GNAQ: variants seen among roughly 807,000 people sequenced by gnomAD.
GNAQ encodes guanine nucleotide-binding protein G(q) subunit alpha.
A neutral mutation model predicts 43.9 loss-of-function variants in GNAQ; 8 were observed. The ratio of observed to expected loss-of-function variants is 0.18; its 90% confidence interval spans 0.11 to 0.33. The LOEUF (loss-of-function observed/expected upper bound fraction) is 0.33, where lower values mean the gene tolerates loss of function less well. Among genes scored for constraint, GNAQ ranks in the 10% least tolerant of loss-of-function variants. The pLI is 1.00. For missense variants in GNAQ, 158 were observed against 450.8 expected, an observed-to-expected ratio of 0.35 and a Z score of 5.88; for synonymous variants, 155 against 170.7, an observed-to-expected ratio of 0.91 and a Z score of 0.71.
chr9:77,894,356 A>AAATATAT lies in GNAQ; in HGVS notation c.321+27798_321+27804dup, dbSNP rs1210636602. ...ATATATATTATATATATTTAATAGA[A>AAATATAT]AATATATATATTATATATATATTTA... On this transcript the variant is annotated intron_variant, in intron 2 of 6. Coordinates refer to ENST00000286548, the MANE Select transcript of GNAQ (RefSeq NM_002072.5). Among the ~76,000 whole-genome samples the AAATATAT allele has an allele frequency of 2.9e-3, 355 of 122,702 alleles. 104 individuals are homozygous for AAATATAT. Among genetic ancestry groups the AAATATAT allele is most frequent in the African/African-American group, 9.1e-3 (296 of 32,514 alleles). 80.5% of individuals were successfully genotyped at this position (122,702 alleles called of 152,430 possible).
intron 3 of GNAQ, 28 bp downstream of exon 3, chr9:77,815,588 C>A (rs1826999330): frequency 2.0e-6 from 3 of 1,523,802 alleles, no homozygotes; most frequent in African/African-American, 1.4e-5. Context: ...AGAGAAAAAT[C>A]CATAGGGCCA....
intron 2 of GNAQ, among the ~76,000 whole-genome samples, chr9:77,914,325 T>A (rs1160365524): frequency 1.3e-5 from 2 of 152,152 alleles, no homozygotes; most frequent in Non-Finnish European, 2.9e-5. Flanking sequence ...GGTGGCTGAC[T>A]CATCAAATTG....
chr9:77,734,452 C>T (rs1046038635), intron 5 of GNAQ, among the ~76,000 whole-genome samples: 1 of 152,056 alleles, frequency 6.6e-6, no homozygotes, highest in Non-Finnish European at 1.5e-5. Context: ...GCAAACAAGA[C>T]AGTTAAGAAA....
At chr9:77,851,205 C>T (rs1337077516) in intron 2 of GNAQ, among the ~76,000 whole-genome samples, 1 of 152,108 alleles carries the variant, frequency 6.6e-6, no homozygotes, top group African/African-American at 2.4e-5. Flanking sequence ...GTCTAGCTTA[C>T]ACAAAATCGG....
chr9:77,819,029 A>AAAG (rs1564120114), intron 2 of GNAQ, among the ~76,000 whole-genome samples: 1 of 119,184 alleles, frequency 8.4e-6, no homozygotes, highest in Non-Finnish European at 1.8e-5. Context: ...AAAAAAAAAA[A>AAAG]CACCCAAAAA....
intron 2 of GNAQ, among the ~76,000 whole-genome samples, chr9:77,872,854 G>A (rs1828062840): frequency 6.6e-6 from 1 of 152,132 alleles, no homozygotes; most frequent in African/African-American, 2.4e-5. Context: ...ACACCTGAAG[G>A]TTTTACAAAC....
intron 1 of GNAQ, among the ~76,000 whole-genome samples, chr9:77,965,949 A>C (rs1178121788): frequency 6.6e-6 from 1 of 152,172 alleles, no homozygotes; most frequent in Non-Finnish European, 1.5e-5. Context: ...CCATCAGTAG[A>C]TGAATGGATA....
At chr9:77,870,621 C>T (rs765459808) in intron 2 of GNAQ, among the ~76,000 whole-genome samples, 4 of 151,792 alleles carry the variant, frequency 2.6e-5, no homozygotes, top group East Asian at 2.0e-4. Context: ...CACCGCGCCC[C>T]GCCTTTGGTG....
chr9:77,813,368 G>A (rs1035427964), intron 3 of GNAQ, among the ~76,000 whole-genome samples: 4 of 152,152 alleles, frequency 2.6e-5, no homozygotes, highest in East Asian at 1.9e-4. Flanking sequence ...GAGTGTGCCC[G>A]TTTCTATGGC....
chr9:77,866,250 G>A lies in GNAQ; in HGVS notation c.322-50480C>T, dbSNP rs868481081. ...CCCAGCACTTTGGTAGGCCAAGGCG[G>A]GCAGATCATTTGAGGTCAGGAGCTC... On this transcript the variant is annotated intron_variant, in intron 2 of 6. Transcript: ENST00000286548. Among the ~76,000 whole-genome samples, 3 of 152,206 alleles carry A rather than the reference G, an allele frequency of 2.0e-5. No individual in the cohort carries two copies. The Middle Eastern group carries it at 0.01, about 518-fold the overall frequency.
At chr9:77,829,661 G>A (rs1827264488) in intron 2 of GNAQ, among the ~76,000 whole-genome samples, 1 of 152,162 alleles carries the variant, frequency 6.6e-6, no homozygotes, top group South Asian at 2.1e-4. Context: ...GGGGAGGGCT[G>A]ATGTAGCTCT....
chr9:77,942,936 A>G (rs932059690), intron 1 of GNAQ, among the ~76,000 whole-genome samples: 1 of 152,252 alleles, frequency 6.6e-6, no homozygotes, highest in Non-Finnish European at 1.5e-5. Context: ...ACTTGGATCC[A>G]ATAATTAACC....
intron 5 of GNAQ, among the ~76,000 whole-genome samples, chr9:77,789,477 CTTATT>C (rs1826532855): frequency 1.3e-5 from 2 of 151,952 alleles, no homozygotes; most frequent in African/African-American, 2.4e-5. Flanking sequence ...AAACTGAAGG[CTTATT>C]TTATTTTACC....
chr9:77,771,791 C>T (rs1479555601), intron 5 of GNAQ, among the ~76,000 whole-genome samples: 2 of 152,234 alleles, frequency 1.3e-5, no homozygotes, highest in Non-Finnish European at 2.9e-5. Context: ...CATACTGAAA[C>T]ATACAAATTG....
intron 5 of GNAQ, among the ~76,000 whole-genome samples, chr9:77,737,937 T>C (rs775627213): frequency 6.6e-6 from 1 of 152,200 alleles, no homozygotes; most frequent in Non-Finnish European, 1.5e-5. Flanking sequence ...ACAAATGAAC[T>C]TATAACAGAC....
chr9:77,744,119 T>A (rs11145550), intron 5 of GNAQ, among the ~76,000 whole-genome samples: 7,248 of 152,248 alleles, frequency 0.048, 494 homozygotes, highest in East Asian at 0.27. Context: ...GCCATTCTCT[T>A]AGTGGTAGGA....
At chr9:77,761,370 G>A (rs1228613693) in intron 5 of GNAQ, among the ~76,000 whole-genome samples, 1 of 139,224 alleles carries the variant, frequency 7.2e-6, no homozygotes, top group Non-Finnish European at 1.6e-5. Flanking sequence ...GGGAGGTGAG[G>A]GGCGCCTCTG....
intron 1 of GNAQ, among the ~76,000 whole-genome samples, chr9:77,949,697 C>G (rs936264591): frequency 6.6e-6 from 1 of 152,150 alleles, no homozygotes; most frequent in Admixed American, 6.5e-5. Flanking sequence ...GGGGCTAACA[C>G]CAGGTCTACC....
intron 2 of GNAQ, among the ~76,000 whole-genome samples, chr9:77,867,443 A>G (rs1436266338): frequency 6.6e-6 from 1 of 152,228 alleles, no homozygotes; most frequent in Non-Finnish European, 1.5e-5. Flanking sequence ...ACAAAATTAA[A>G]GATTTCCAAA....
Sources: gnomAD v4.1 joint callset for allele counts (sites outside exome capture counted in the v4.1 genomes callset) on GRCh38, gnomAD v4.1.1 for gene constraint, MANE v1.5 for transcripts, NCBI Gene and HGNC (gene_info 2026-07-23, HGNC 2026-07-21) for gene names.